LONRF2: variants seen among roughly 807,000 people sequenced by gnomAD.
LONRF2 encodes the protein LON peptidase N-terminal domain and ring finger 2, also known as LON peptidase N-terminal domain and RING finger protein 2.
In LONRF2, 35 loss-of-function variants were observed where a neutral mutation model predicts 66.6. That is an observed-to-expected ratio of 0.53 (90% CI 0.40 to 0.70). The LOEUF (loss-of-function observed/expected upper bound fraction) is 0.70, where lower values mean the gene tolerates loss of function less well. Ranked by LOEUF, LONRF2 falls within the 30% of genes least tolerant of loss-of-function variation. LONRF2 has a pLI of 0.00. For missense variants in LONRF2, 902 were observed against 1,002.1 expected (o/e 0.90, Z 1.35); for synonymous variants, 417 against 418.1 (o/e 1.00, Z 0.03).
At chr2:100,303,829 C>G (rs1246312788) in intron 2 of LONRF2, among the ~76,000 whole-genome samples, 1 of 152,096 alleles carries the variant, frequency 6.6e-6, no homozygotes, top group Non-Finnish European at 1.5e-5. Context: ...AGTTAACCTT[C>G]TTGGATCTGA....
In LONRF2 at chr2:100,277,623, A is replaced by T. The variant is rs1674626061; in HGVS notation, c.*6675T>A. 1 of 152,166 alleles carries T rather than the reference A, an allele frequency of 6.6e-6. No individual in the cohort carries two copies. Among genetic ancestry groups the T allele is most frequent in the Non-Finnish European group, 1.5e-5 (1 of 68,042 alleles). 9.4% of individuals were successfully genotyped at this position (152,166 alleles called of 1,614,324 possible). A position where few individuals can be genotyped will look rare whatever the true frequency, so the allele number is the denominator to read the frequency against. On this transcript the variant is annotated 3_prime_UTR_variant, in exon 12 of 12. Coordinates refer to ENST00000393437, the MANE Select transcript of LONRF2 (RefSeq NM_198461.4). Reference sequence around the variant, plus strand: ...CAGATGGCATTGCCAACCCTCATATAAATGATGGAGCCCAAGAGAATGTTG... The same window carrying T: ...CAGATGGCATTGCCAACCCTCATATTAATGATGGAGCCCAAGAGAATGTTG...
intron 10 of LONRF2, among the ~76,000 whole-genome samples, chr2:100,287,817 C>T (rs1224296047): frequency 1.3e-5 from 2 of 152,208 alleles, no homozygotes; most frequent in East Asian, 3.8e-4. Flanking sequence ...TCATCACCAA[C>T]TCTCATGTGT....
chr2:100,299,057 T>A, intron 6 of LONRF2, 107 bp from the exon 7 acceptor site: 3 of 949,270 alleles, frequency 3.2e-6, no homozygotes, highest in Non-Finnish European at 5.0e-6. Context: ...GTTCTAGAAA[T>A]CACTTGCATG....
intron 11 of LONRF2, among the ~76,000 whole-genome samples, chr2:100,285,170 A>C (rs1674819953): frequency 6.6e-6 from 1 of 152,162 alleles, no homozygotes; most frequent in African/African-American, 2.4e-5. Flanking sequence ...TCTTCACTCT[A>C]TTCCTTCTCC....
rs1319462340 is a variant in LONRF2, at chr2:100,321,800, C to T, written c.294G>A (p.Leu98=). The change falls in exon 1 of 12, where the codon CTG becomes CTA. Residue 98 remains leucine (L), a synonymous_variant. Coordinates refer to ENST00000393437, the MANE Select transcript of LONRF2 (RefSeq NM_198461.4). Reference sequence around the variant, plus strand: ...CCACGGCGCGCACCAGGCCGCCCGCCAGCTCTTCCAGCTCCTCCGGCCGCA... The same window carrying T: ...CCACGGCGCGCACCAGGCCGCCCGCTAGCTCTTCCAGCTCCTCCGGCCGCA... ...GALRPEELEE[L]AGGLVRAVGL... The T allele has an allele frequency of 7.4e-6, 8 of 1,075,440 alleles. No homozygotes were observed. Among genetic ancestry groups the T allele is most frequent in the Non-Finnish European group, 3.4e-6 (3 of 888,392 alleles). The allele number at this position is 1,075,440 out of a possible 1,614,324, so 66.6% of individuals were successfully genotyped here. A position where few individuals can be genotyped will look rare whatever the true frequency, so the allele number is the denominator to read the frequency against.
chr2:100,316,143 C>T (rs1415351765), intron 1 of LONRF2, among the ~76,000 whole-genome samples: 1 of 151,648 alleles, frequency 6.6e-6, no homozygotes, highest in Non-Finnish European at 1.5e-5. Flanking sequence ...CACAGTGAAA[C>T]CCTGTCTCTA....
rs561134585 is a variant in LONRF2 at position 100,321,541 on chromosome 2, C to T, written c.553G>A (p.Gly185Ser). The T allele has an allele frequency of 6.5e-7, 1 of 1,550,050 alleles. No individual in the cohort carries two copies. The part of the protein sequence containing the change: ...QVRRVNVVLS[G>S]LLEKCFPAEC... ...GCCGGGAAGCACTTCTCCAGCAGGC[C>T]GCTCAGCACCACGTTCACGCGCCGC... Residue 185 changes from glycine (G) to serine (S), a missense_variant, in exon 1 of 12, where the codon GGC (glycine) becomes AGC (serine). This residue lies in a region of LONRF2 where 585 missense variants were observed against 569.9 expected (regional missense o/e 1.03). Coordinates refer to ENST00000393437, the MANE Select transcript of LONRF2 (RefSeq NM_198461.4).
At chr2:100,292,635 A>G (rs1201270052) in intron 9 of LONRF2, among the ~76,000 whole-genome samples, 2 of 152,020 alleles carry the variant, frequency 1.3e-5, no homozygotes, top group African/African-American at 4.8e-5. Context: ...TGGAACTCTT[A>G]TAGCTTATTT....
In LONRF2 at chr2:100,300,676, G is replaced by C; in HGVS notation, c.1033C>G (p.Leu345Val). Residue 345 changes from leucine to valine, a missense_variant, in exon 4 of 12, where the codon CTG (leucine) becomes GTG (valine). This residue lies in a region of LONRF2 where 585 missense variants were observed against 569.9 expected (regional missense o/e 1.03). Coordinates refer to ENST00000393437, the MANE Select transcript of LONRF2 (RefSeq NM_198461.4). ...QGHSHMNAQALLEEGDAGSSE... is the reference protein window; with the variant it reads ...QGHSHMNAQAVLEEGDAGSSE... Reference sequence around the variant, plus strand: ...CTCCCTGCATCACCTTCTTCCAGCAGAGCCTGGGCATTCATGTGGCTGTGA... The same window carrying C: ...CTCCCTGCATCACCTTCTTCCAGCACAGCCTGGGCATTCATGTGGCTGTGA... The C allele has an allele frequency of 6.2e-7, 1 of 1,612,974 alleles. No homozygotes were observed. The highest frequency in any genetic ancestry group is 8.5e-7 in the Non-Finnish European group (1 of 1,179,734).
At chr2:100,311,901 G>C (rs1417678644) in intron 1 of LONRF2, among the ~76,000 whole-genome samples, 1 of 152,036 alleles carries the variant, frequency 6.6e-6, no homozygotes, top group Admixed American at 6.6e-5. Flanking sequence ...GCTCTTCTTG[G>C]TCTTAACTCC....
chr2:100,293,362 C>A (rs1028389377), intron 9 of LONRF2, among the ~76,000 whole-genome samples: 5 of 152,140 alleles, frequency 3.3e-5, no homozygotes, highest in South Asian at 4.1e-4. Context: ...TTCTGAGTGG[C>A]CCTAAAAATG....
At chr2:100,301,629 C>T (rs1412760665) in intron 3 of LONRF2, among the ~76,000 whole-genome samples, 2 of 152,178 alleles carry the variant, frequency 1.3e-5, no homozygotes, top group South Asian at 2.1e-4. Context: ...TTTTTGGTAC[C>T]GTCTGTGATA....
rs1336438230 is a variant in LONRF2, at chr2:100,321,917, G to T, written c.177C>A (p.Gly59=). ...MLAGLAQPDR[G]LCLRLGDALA... The stretch of plus-strand genomic sequence containing the variant: ...GCGCGTCCCCCAGCCTCAGGCACAG[G>T]CCGCGGTCCGGCTGCGCCAGCCCGG... The change falls in exon 1 of 12, where the codon GGC becomes GGA. Residue 59 remains glycine, a synonymous_variant. Coordinates refer to ENST00000393437, the MANE Select transcript of LONRF2 (RefSeq NM_198461.4). 1.5e-6 allele frequency: 2 copies of T among 1,360,212 alleles called. No individual in the cohort carries two copies. Among genetic ancestry groups the T allele is most frequent in the Non-Finnish European group, 1.9e-6 (2 of 1,054,250 alleles). The allele number at this position is 1,360,212 out of a possible 1,614,324, so 84.3% of individuals were successfully genotyped here. A position where few individuals can be genotyped will look rare whatever the true frequency, so the allele number is the denominator to read the frequency against.
At chr2:100,317,622 G>A (rs1005785516) in intron 1 of LONRF2, among the ~76,000 whole-genome samples, 8 of 152,196 alleles carry the variant, frequency 5.3e-5, no homozygotes, top group African/African-American at 1.9e-4. Flanking sequence ...CTTTCCCTCA[G>A]TATATCATGA....
At chr2:100,304,647 A>C in intron 2 of LONRF2, among the ~76,000 whole-genome samples, 2 of 121,840 alleles carry the variant, frequency 1.6e-5, no homozygotes, top group African/African-American at 4.0e-5. Context: ...TTTTTGAGAC[A>C]GAGTCTTGCT....
Position 100,302,931 on chromosome 2 carries a change from T to G in LONRF2, c.911A>C (p.Glu304Ala). 1 of 1,602,776 alleles carries G rather than the reference T, an allele frequency of 6.2e-7. No homozygotes were observed. Among genetic ancestry groups the G allele is most frequent in the Non-Finnish European group, 8.5e-7 (1 of 1,174,260 alleles). The change falls in exon 3 of 12, where the codon GAA (glutamate) becomes GCA (alanine). Residue 304 changes from glutamate (E) to alanine (A), a missense_variant. Coordinates refer to ENST00000393437, the MANE Select transcript of LONRF2 (RefSeq NM_198461.4). Reference sequence around the variant, plus strand: ...TAACAGAACTCATACCTTCTGTGCTTCTTTCTTCACAGAGTTACATTCAGG... The same window carrying G: ...TAACAGAACTCATACCTTCTGTGCTGCTTTCTTCACAGAGTTACATTCAGG... ...LNPECNSVKKEAQKVMCEVLF... is the reference protein window; with the variant it reads ...LNPECNSVKKAAQKVMCEVLF...
chr2:100,291,780 A>G (rs1195565824), intron 9 of LONRF2, among the ~76,000 whole-genome samples: 1 of 151,888 alleles, frequency 6.6e-6, no homozygotes, highest in East Asian at 1.9e-4. Flanking sequence ...GTGGTATTCT[A>G]GGCTATGTCT....
At chr2:100,298,192 A>G (rs1343777039) in intron 7 of LONRF2, among the ~76,000 whole-genome samples, 1 of 152,200 alleles carries the variant, frequency 6.6e-6, no homozygotes. Flanking sequence ...TGGATTCACT[A>G]TTTCAGGAAT....
In LONRF2 at chr2:100,309,145, C is replaced by T; in HGVS notation, c.760G>A (p.Ala254Thr). The T allele has an allele frequency of 6.2e-7, 1 of 1,604,406 alleles. No homozygotes were observed. Among genetic ancestry groups the T allele is most frequent in the Non-Finnish European group, 8.5e-7 (1 of 1,176,702 alleles). ...GGTTCATTCTGACAAGCTGCACTGG[C>T]ATCTTGGAGAGCTTGCTCATAGTTC... ...MKNYEQALQDASAACQNEPLL... is the reference protein window; with the variant it reads ...MKNYEQALQDTSAACQNEPLL... The change falls in exon 2 of 12, where the codon GCC (alanine) becomes ACC (threonine). Residue 254 changes from alanine (A) to threonine (T), a missense_variant. Physicochemically the swap from Ala to Thr is moderately conservative, Grantham distance 58. Transcript: ENST00000393437.
Sources: gnomAD v4.1 joint callset for allele counts (sites outside exome capture counted in the v4.1 genomes callset) on GRCh38, gnomAD v4.1.1 for gene constraint, gnomAD v4.1.1 regional missense constraint, MANE v1.5 for transcripts, NCBI Gene and HGNC (gene_info 2026-07-23, HGNC 2026-07-21) for gene names.